The following CARD9 variants were observed in gnomAD, a reference collection of about 807,000 sequenced individuals.
CARD9 encodes the protein caspase recruitment domain family member 9.
A neutral mutation model predicts 66.0 loss-of-function variants in CARD9; 53 were observed. That is an observed-to-expected ratio of 0.80 (90% CI 0.64 to 1.01). The LOEUF is 1.01. Among genes scored for constraint, CARD9 ranks in the 50% least tolerant of loss-of-function variants. CARD9 has a pLI of 0.00. For missense variants in CARD9, 769 were observed against 743.2 expected (o/e 1.03, Z -0.40); for synonymous variants, 387 against 313.8 (o/e 1.23, Z -2.47).
At chr9:136,365,326 G>T in intron 10 of CARD9, 109 bp from the exon 11 acceptor site, 1 of 1,031,062 alleles carries the variant, frequency 9.7e-7, no homozygotes. Context: ...CCAAGGCCTG[G>T]TGGGATCCCC....
In CARD9 at chr9:136,364,064, A is replaced by C. The variant is rs766746510; in HGVS notation, c.*238T>G. 7.2e-5 allele frequency: 111 copies of C among 1,544,486 alleles called. No individual in the cohort carries two copies. Among genetic ancestry groups the C allele is most frequent in the Non-Finnish European group, 9.5e-5 (108 of 1,141,566 alleles). ...GAAACAGAACAGATCCTGAAGTTAC[A>C]CAGATGGCGTGTGCATGGGGGTGGT... On this transcript the variant is annotated 3_prime_UTR_variant, in exon 13 of 13. Transcript: ENST00000371732.
At position 136,365,189 on chromosome 9, in the gene CARD9, T is replaced by C; in HGVS notation, c.1386A>G (p.Lys462=). 6.2e-7 allele frequency: 1 copy of C among 1,610,706 alleles called. No individual in the cohort carries two copies. Among genetic ancestry groups the C allele is most frequent in the Non-Finnish European group, 8.5e-7 (1 of 1,179,834 alleles). ...KGCLAGGGSP[K]QPFAALHQEQ... is the part of the protein sequence containing the mutation. The stretch of plus-strand genomic sequence containing the variant: ...CCTGGTGCAGAGCTGCAAAGGGCTG[T>C]TTCGGGCTCCCCCCGCCGGCAAGGC... The change falls in exon 11 of 13, where the codon AAA becomes AAG. Residue 462 remains lysine, a synonymous_variant. Transcript: ENST00000371732.
intron 7 of CARD9, among the ~76,000 whole-genome samples, chr9:136,368,639 GC>G (rs1833183585): frequency 6.6e-6 from 1 of 152,218 alleles, no homozygotes; most frequent in South Asian, 2.1e-4. Context: ...TTGGGACGGG[GC>G]ATGGGAAGCA....
intron 2 of CARD9, 137 bp from the exon 3 acceptor site, chr9:136,371,598 C>T: frequency 3.7e-6 from 5 of 1,368,346 alleles, no homozygotes; most frequent in Non-Finnish European, 3.9e-6. Flanking sequence ...GGATGAGGTA[C>T]CCTGCGGGTC....
At chr9:136,365,011 G>T in intron 11 of CARD9, 130 bp downstream of exon 11, 1 of 828,660 alleles carries the variant, frequency 1.2e-6, no homozygotes, top group East Asian at 2.6e-5. Flanking sequence ...TGTGGGCAGA[G>T]ACCTTGTGGT....
chr9:136,371,513 C>CGGGGG, intron 2 of CARD9, 52 bp from the exon 3 acceptor site: 1 of 513,572 alleles, frequency 1.9e-6, no homozygotes, highest in Non-Finnish European at 3.4e-6. Flanking sequence ...AGGCAGAGGG[C>CGGGGG]TGGGGTGGGT....
At chr9:136,367,997 C>A (rs1335440108) in intron 7 of CARD9, 169 bp from the exon 8 acceptor site, 1 of 1,421,888 alleles carries the variant, frequency 7.0e-7, no homozygotes, top group East Asian at 2.6e-5. Flanking sequence ...GAAGTCAGCA[C>A]GTGGGGGATT....
rs764674043 is a variant in CARD9 at position 136,370,332 on chromosome 9, G to A, written c.913C>T (p.Arg305Cys). 2.9e-5 allele frequency: 47 copies of A among 1,608,672 alleles called. No homozygotes were observed. The East Asian group carries it at 9.2e-4, about 31-fold the overall frequency. Residue 305 changes from arginine (R) to cysteine (C), a missense_variant, in exon 6 of 13, where the codon CGC becomes TGC. Coordinates refer to ENST00000371732, the MANE Select transcript of CARD9 (RefSeq NM_052813.5). ...GCCTCGCCCTGGCGGAGGTCCTTGC[G>A]CAGGGAGAAGATGGTGTTGGCCTGC... is the stretch of plus-strand genomic sequence containing the variant. Reference protein sequence around the residue: ...QEQANTIFSLRKDLRQGEARR... With the variant: ...QEQANTIFSLCKDLRQGEARR...
At chr9:136,368,348 C>T (rs374512723) in intron 7 of CARD9, among the ~76,000 whole-genome samples, 115 of 152,350 alleles carry the variant, frequency 7.5e-4, no homozygotes, top group African/African-American at 2.0e-3. Flanking sequence ...AACGCGCTCC[C>T]GGGAAGTCCC....
rs35051231 is a variant in CARD9, at chr9:136,372,067, G to A, written c.12C>T (p.Tyr4=). 1,036 of 1,612,678 alleles carry A rather than the reference G, an allele frequency of 6.4e-4. 1 individual carries two copies. Among genetic ancestry groups the A allele is most frequent in the Non-Finnish European group, 8.0e-4 (940 of 1,179,976 alleles). The part of the protein sequence containing the change: MSD[Y]ENDDECWSVL... ...CGCTCCAGCACTCGTCATCGTTCTCGTAGTCCGACATGGCCTCAGCAGGCA... is the reference window on the plus strand; with the variant it reads ...CGCTCCAGCACTCGTCATCGTTCTCATAGTCCGACATGGCCTCAGCAGGCA... The change falls in exon 2 of 13, where the codon TAC becomes TAT. Residue 4 remains tyrosine (Y), a synonymous_variant. Transcript: ENST00000371732.
At chr9:136,371,853 G>A in intron 2 of CARD9, 42 bp downstream of exon 2, 2 of 1,564,748 alleles carry the variant, frequency 1.3e-6, no homozygotes, top group Non-Finnish European at 1.7e-6. Flanking sequence ...AGCTGACTCT[G>A]TGGTTGGGTT....
chr9:136,370,408 G>T lies in CARD9; in HGVS notation c.837C>A (p.Tyr279Ter). ...GCCAGTCCTCCTCCAGTACCTGGAT[G>T]TAGGGGCTGCTCCTGTCCAGCTTCC... ...QEGKLDRSSP[Y>*]IQVLEEDWRQ... Residue 279 changes from tyrosine to a stop codon, truncating the protein, a stop_gained, in exon 6 of 13, where the codon TAC becomes TAA. Transcript: ENST00000371732. LOFTEE classifies it high-confidence loss of function. The T allele has an allele frequency of 6.2e-7, 1 of 1,611,206 alleles. No homozygotes were observed. Among genetic ancestry groups the T allele is most frequent in the Non-Finnish European group, 8.5e-7 (1 of 1,179,352 alleles).
chr9:136,372,334 G>A (rs1266843734), intron 1 of CARD9, among the ~76,000 whole-genome samples: 1 of 152,212 alleles, frequency 6.6e-6, no homozygotes, highest in African/African-American at 2.4e-5. Context: ...CCCCTCCGCA[G>A]CCTTTCCCAG....
At chr9:136,370,781 C>A in intron 4 of CARD9, 60 bp downstream of exon 4, 1 of 1,603,786 alleles carries the variant, frequency 6.2e-7, no homozygotes, top group Non-Finnish European at 8.5e-7. Flanking sequence ...ACCGCCCCGG[C>A]CTGCAGACCC....
At chr9:136,364,640 G>C in intron 11 of CARD9, 81 bp from the exon 12 acceptor site, 6 of 1,380,426 alleles carry the variant, frequency 4.3e-6, no homozygotes, top group South Asian at 1.3e-5. Flanking sequence ...ACTGGCCCCT[G>C]TAACTGCAGA....
rs546301688 is a variant in CARD9, at chr9:136,369,231, C to T, written c.1077+519G>A. On this transcript the variant is annotated intron_variant, in intron 7 of 12. Coordinates refer to ENST00000371732, the MANE Select transcript of CARD9 (RefSeq NM_052813.5). ...TCAGCCTCCCAAAGTGCTGGGATGA[C>T]AGGCGAGAGACACCACGTCCAGCCA... Among the ~76,000 whole-genome samples the T allele has an allele frequency of 1.1e-4, 17 of 152,290 alleles. No homozygotes were observed. In the East Asian group the frequency reaches 1.3e-3, roughly 12 times the overall value.
intron 11 of CARD9, 45 bp from the exon 12 acceptor site, chr9:136,364,604 G>T (rs1404539645): frequency 1.3e-6 from 2 of 1,519,366 alleles, no homozygotes; most frequent in South Asian, 2.4e-5. Flanking sequence ...TCCCCTGAGG[G>T]AACCCGTCCT....
intron 9 of CARD9, 72 bp from the exon 10 acceptor site, chr9:136,366,917 C>T (rs1588721234): frequency 6.4e-7 from 1 of 1,551,156 alleles, no homozygotes; most frequent in Non-Finnish European, 8.9e-7. Flanking sequence ...CTGCCCACCC[C>T]AGCCCTTGGC....
At chr9:136,370,190 C>G (rs1025723395) in intron 6 of CARD9, 104 bp downstream of exon 6, 2 of 1,516,570 alleles carry the variant, frequency 1.3e-6, no homozygotes, top group African/African-American at 2.7e-5. Flanking sequence ...AGGCGCTGCA[C>G]TGGGGTCTCC....
Sources: allele counts gnomAD v4.1 joint callset (sites outside exome capture counted in the v4.1 genomes callset), GRCh38; gene constraint gnomAD v4.1.1; transcripts MANE v1.5; gene names NCBI Gene and HGNC (gene_info 2026-07-23, HGNC 2026-07-21).